MAP3K15: variants seen among roughly 807,000 people sequenced by gnomAD.
The protein encoded by MAP3K15 is MAPK/ERK kinase kinase 15.
In MAP3K15, 124 loss-of-function variants were observed where a neutral mutation model predicts 99.5. That is an observed-to-expected ratio of 1.25 (90% CI 1.08 to 1.45). The LOEUF (loss-of-function observed/expected upper bound fraction) is 1.45, where lower values mean the gene tolerates loss of function less well. MAP3K15 is among the 40% of genes most tolerant of loss of function. The pLI is 0.00. For missense variants in MAP3K15, 1,242 were observed against 1,079.7 expected (o/e 1.15, Z -2.11); for synonymous variants, 494 against 439.6 (o/e 1.12, Z -1.55).
At chrX:19,422,887 A>G (rs1004295784) in intron 9 of MAP3K15, among the ~76,000 whole-genome samples, 1 of 110,941 alleles carries the variant, frequency 9.0e-6, no homozygotes, top group Non-Finnish European at 1.9e-5. Flanking sequence ...AGGGACATGG[A>G]TGAAGCTGGA....
chrX:19,489,610 G>C (rs761789646), intron 1 of MAP3K15, among the ~76,000 whole-genome samples: 1 of 111,090 alleles, frequency 9.0e-6, no homozygotes, highest in Admixed American at 9.6e-5. Flanking sequence ...ACTCCGGGGA[G>C]CTGCTTTCCC....
At chrX:19,421,008 C>T (rs1289837647) in intron 9 of MAP3K15, among the ~76,000 whole-genome samples, 2 of 111,175 alleles carry the variant, frequency 1.8e-5, no homozygotes, top group African/African-American at 6.6e-5. Flanking sequence ...ACTCTCAATA[C>T]ATTAGGTATT....
At chrX:19,494,311 A>C (rs5955797) in intron 1 of MAP3K15, among the ~76,000 whole-genome samples, 7,658 of 110,728 alleles carry the variant, frequency 0.069, 674 homozygotes, top group African/African-American at 0.23. Context: ...AGAGAGAGAG[A>C]GGAGGAGGGA....
chrX:19,463,710 A>G (rs902535801), intron 4 of MAP3K15, among the ~76,000 whole-genome samples: 1 of 111,205 alleles, frequency 9.0e-6, no homozygotes, highest in Non-Finnish European at 1.9e-5. Flanking sequence ...CTAAATCTAA[A>G]GAGAACACAG....
intron 9 of MAP3K15, among the ~76,000 whole-genome samples, chrX:19,424,189 T>C (rs2063809450): frequency 9.3e-6 from 1 of 107,350 alleles, no homozygotes; most frequent in Non-Finnish European, 1.9e-5. Flanking sequence ...AAATCATGTA[T>C]ATATACACAC....
At chrX:19,472,429 A>C (rs1220085104) in intron 3 of MAP3K15, among the ~76,000 whole-genome samples, 1 of 111,227 alleles carries the variant, frequency 9.0e-6, no homozygotes, top group African/African-American at 3.3e-5. Context: ...TTTAAAAAGC[A>C]GTTGCAGAAA....
chrX:19,433,507 C>G (rs2063899352), intron 6 of MAP3K15, among the ~76,000 whole-genome samples: 1 of 111,108 alleles, frequency 9.0e-6, no homozygotes, highest in African/African-American at 3.3e-5. Flanking sequence ...AACAGCATCC[C>G]TGGTTCTCAG....
chrX:19,453,271 C>T (rs1041390049), intron 6 of MAP3K15, among the ~76,000 whole-genome samples: 5 of 110,291 alleles, frequency 4.5e-5, no homozygotes, highest in Non-Finnish European at 7.6e-5. Flanking sequence ...GAGGCTGAGG[C>T]GGGTGGATTA....
intron 3 of MAP3K15, among the ~76,000 whole-genome samples, chrX:19,471,844 A>T (rs2064209562): frequency 8.9e-6 from 1 of 112,417 alleles, no homozygotes; most frequent in Admixed American, 9.5e-5. Context: ...ATATCCACTA[A>T]AACTATCTTT....
chrX:19,432,850 G>A (rs1332364658), intron 6 of MAP3K15, among the ~76,000 whole-genome samples: 2 of 109,321 alleles, frequency 1.8e-5, no homozygotes, highest in Non-Finnish European at 3.8e-5. Flanking sequence ...CAACGTAGCT[G>A]GGATTACAGG....
At chrX:19,364,578 C>T (rs942795431) in intron 25 of MAP3K15, among the ~76,000 whole-genome samples, 2 of 111,577 alleles carry the variant, frequency 1.8e-5, no homozygotes, top group South Asian at 7.5e-4. Context: ...CTAACTTTCC[C>T]TCCGCCTTTC....
chrX:19,406,381 T>C (rs1358971312), intron 13 of MAP3K15, among the ~76,000 whole-genome samples: 1 of 112,610 alleles, frequency 8.9e-6, no homozygotes, highest in Non-Finnish European at 1.9e-5. Context: ...AAGAATATCA[T>C]TCAGCCACAA....
chrX:19,441,376 C>CG (rs1490879901), intron 6 of MAP3K15, among the ~76,000 whole-genome samples: 8 of 105,518 alleles, frequency 7.6e-5, no homozygotes, highest in Non-Finnish European at 5.8e-5. Context: ...CTTTTGGTGG[C>CG]GGGGGGAGGA....
Position 19,413,412 on chromosome X carries a change from T to C in MAP3K15, c.1643A>G (p.Asn548Ser). ...KVYQPSYVSI[N>S]NEAEERTVSL... ...AACTGTTCTCTCCTCGGCTTCATTG[T>C]TTATGGAAACATAAGAAGGCTGGTA... Residue 548 changes from asparagine to serine, a missense_variant, in exon 11 of 29, where the codon AAC (asparagine) becomes AGC (serine). Asn to Ser is a conservative substitution (Grantham distance 46). Coordinates refer to ENST00000338883, the MANE Select transcript of MAP3K15 (RefSeq NM_001001671.4). 1 of 1,209,634 alleles carries C rather than the reference T, an allele frequency of 8.3e-7. No homozygotes were observed.
chrX:19,484,452 G>T (rs904367805), intron 3 of MAP3K15, among the ~76,000 whole-genome samples: 4 of 112,054 alleles, frequency 3.6e-5, no homozygotes, highest in African/African-American at 1.3e-4. Context: ...CGCTGCTTTA[G>T]AGTAAGTTTA....
chrX:19,371,542 C>T lies in MAP3K15; in HGVS notation c.3109-12G>A, dbSNP rs757171909. ...AACTCTTCGGAACTCTGAAAACACACACAAATCATTTTCATTGAGTCAGAT... is the reference window on the plus strand; with the variant it reads ...AACTCTTCGGAACTCTGAAAACACATACAAATCATTTTCATTGAGTCAGAT... On this transcript the variant is annotated splice_polypyrimidine_tract_variant and intron_variant, in intron 22 of 28. Transcript: ENST00000338883. 1 of 1,187,808 alleles carries T rather than the reference C, an allele frequency of 8.4e-7. No individual in the cohort carries two copies. Among genetic ancestry groups the T allele is most frequent in the South Asian group, 1.8e-5 (1 of 55,175 alleles).
At chrX:19,409,817 A>G in intron 12 of MAP3K15, 107 bp downstream of exon 12, 1 of 653,666 alleles carries the variant, frequency 1.5e-6, no homozygotes, top group Non-Finnish European at 2.3e-6. Context: ...GGATTCCATT[A>G]AAAATAAGAA....
At chrX:19,438,829 G>A (rs1420364013) in intron 6 of MAP3K15, among the ~76,000 whole-genome samples, 1 of 112,213 alleles carries the variant, frequency 8.9e-6, no homozygotes, top group Admixed American at 9.5e-5. Flanking sequence ...AGAGACTTCT[G>A]CTTCCAATTA....
chrX:19,424,057 C>G (rs908359674), intron 9 of MAP3K15, among the ~76,000 whole-genome samples: 7 of 110,643 alleles, frequency 6.3e-5, no homozygotes, highest in African/African-American at 2.3e-4. Flanking sequence ...TGCACGTGGT[C>G]TCTCCTGGAC....
Sources: gnomAD v4.1 joint callset for allele counts (sites outside exome capture counted in the v4.1 genomes callset) on GRCh38, gnomAD v4.1.1 for gene constraint, MANE v1.5 for transcripts, NCBI Gene and HGNC (gene_info 2026-07-23, HGNC 2026-07-21) for gene names.